FGGY: variants seen among roughly 807,000 people sequenced by gnomAD.
FGGY encodes the protein FGGY carbohydrate kinase domain containing, also known as FGGY carbohydrate kinase domain-containing protein.
FGGY carries 72 observed loss-of-function variants against 71.3 expected under a neutral mutation model. That is an observed-to-expected ratio of 1.01 (90% CI 0.84 to 1.23). The LOEUF is 1.23. FGGY is among the 50% of genes most tolerant of loss of function. The probability of loss-of-function intolerance (pLI) is 0.00; values close to 1 mark genes in which losing one functional copy is unlikely to be tolerated. For missense variants in FGGY, 668 were observed against 682.3 expected (o/e 0.98, Z 0.23); for synonymous variants, 251 against 250.3 (o/e 1.00, Z -0.02).
At chr1:59,331,388 A>G (rs1475949630) in intron 2 of FGGY, among the ~76,000 whole-genome samples, 1 of 152,166 alleles carries the variant, frequency 6.6e-6, no homozygotes, top group Non-Finnish European at 1.5e-5. Flanking sequence ...ACTGCCTTCA[A>G]GGGCCTTCCA....
chr1:59,738,191 C>A (rs188283966), intron 14 of FGGY, among the ~76,000 whole-genome samples: 5 of 152,160 alleles, frequency 3.3e-5, no homozygotes, highest in Admixed American at 6.5e-5. Flanking sequence ...CACAGAAACT[C>A]CCAGCTGCAA....
intron 5 of FGGY, among the ~76,000 whole-genome samples, chr1:59,421,500 C>CCCCTCTCTCCCTCTCT (rs1352771681): frequency 8.3e-6 from 1 of 120,642 alleles, no homozygotes; most frequent in Non-Finnish European, 1.8e-5. Flanking sequence ...TCTCCCTCTC[C>CCCCTCTCTCCCTCTCT]CCCTCTCTCC....
At chr1:59,433,913 C>T (rs2067894205) in intron 5 of FGGY, among the ~76,000 whole-genome samples, 1 of 152,184 alleles carries the variant, frequency 6.6e-6, no homozygotes, top group Non-Finnish European at 1.5e-5. Context: ...TTAACCCTTC[C>T]CTGCTTTGCA....
In FGGY at chr1:59,430,435, T is replaced by C. The variant is rs61789984; in HGVS notation, c.555-26526T>C. Reference sequence around the variant, plus strand: ...TGCAGGGAGACATTTCATATTACACTGGAAGACATGAATGTCTTTTGCAGG... The same window carrying C: ...TGCAGGGAGACATTTCATATTACACCGGAAGACATGAATGTCTTTTGCAGG... On this transcript the variant is annotated intron_variant, in intron 5 of 15. Transcript: ENST00000303721. 8.7e-3 allele frequency among the ~76,000 whole-genome samples: 1,318 copies of C among 152,280 alleles called. 11 individuals carry two copies. The highest frequency in any genetic ancestry group is 0.015 in the Admixed American group (232 of 15,294).
At chr1:59,729,588 TC>T (rs971795035) in intron 14 of FGGY, among the ~76,000 whole-genome samples, 5 of 152,186 alleles carry the variant, frequency 3.3e-5, no homozygotes, top group Non-Finnish European at 7.4e-5. Flanking sequence ...TATTTTTTCA[TC>T]CCCACTATTG....
intron 5 of FGGY, among the ~76,000 whole-genome samples, chr1:59,427,338 A>G (rs1296699394): frequency 6.6e-6 from 1 of 152,178 alleles, no homozygotes; most frequent in Non-Finnish European, 1.5e-5. Flanking sequence ...TGCCTGACAG[A>G]AACAGATGGC....
chr1:59,711,831 G>A (rs982667104), intron 14 of FGGY, among the ~76,000 whole-genome samples: 5 of 152,066 alleles, frequency 3.3e-5, no homozygotes, highest in African/African-American at 1.2e-4. Context: ...CACAGCATGG[G>A]GGAATTCAAG....
chr1:59,458,769 T>C lies in FGGY; in HGVS notation c.670+1693T>C, dbSNP rs144576209. Among the ~76,000 whole-genome samples, 725 of 152,328 alleles carry C rather than the reference T, an allele frequency of 4.8e-3. 3 individuals are homozygous for C. The highest frequency in any genetic ancestry group is 0.017 in the African/African-American group (691 of 41,572). On this transcript the variant is annotated intron_variant, in intron 6 of 15. Coordinates refer to ENST00000303721, the MANE Select transcript of FGGY (RefSeq NM_018291.5). ...ATTAGAACTTACCCATTTATCAAAA[T>C]TAATTGTGTGATGTTTCCTTTGATT...
chr1:59,735,076 G>A (rs2098088399), intron 14 of FGGY, among the ~76,000 whole-genome samples: 2 of 152,094 alleles, frequency 1.3e-5, no homozygotes, highest in South Asian at 2.1e-4. Flanking sequence ...ACTCTCCAAG[G>A]CACAAAGACC....
intron 3 of FGGY, among the ~76,000 whole-genome samples, chr1:59,345,607 CATCTTCATCTGTAACTGT>C (rs983482863): frequency 3.9e-5 from 6 of 152,098 alleles, no homozygotes; most frequent in Non-Finnish European, 8.8e-5. Flanking sequence ...CTGAATTATA[CATCTTCATCTGTAACTGT>C]ATCTTCATCT....
chr1:59,752,947 T>C (rs554536746), intron 14 of FGGY, among the ~76,000 whole-genome samples: 5 of 152,210 alleles, frequency 3.3e-5, no homozygotes, highest in East Asian at 1.9e-4. Flanking sequence ...CTCTGCCTTA[T>C]AGAGAGAAAG....
intron 4 of FGGY, among the ~76,000 whole-genome samples, chr1:59,363,135 A>G (rs1239677609): frequency 6.6e-6 from 1 of 152,224 alleles, no homozygotes; most frequent in Admixed American, 6.5e-5. Flanking sequence ...GGGCACATGA[A>G]CATGTATAAT....
chr1:59,324,519 G>A lies in FGGY; in HGVS notation c.201+2769G>A, dbSNP rs370130878. 4.1e-3 allele frequency among the ~76,000 whole-genome samples: 619 copies of A among 151,660 alleles called. 1 individual carries two copies. The highest frequency in any genetic ancestry group is 6.5e-3 in the Non-Finnish European group (441 of 67,846). ...TCTCGATCTCCTGACCTCGTGATCC[G>A]CCCGCCTCGGCCTCCCAAAGTGCTG... On this transcript the variant is annotated intron_variant, in intron 2 of 15. Transcript: ENST00000303721.
At chr1:59,536,989 C>A (rs2095333929) in intron 7 of FGGY, among the ~76,000 whole-genome samples, 1 of 152,008 alleles carries the variant, frequency 6.6e-6, no homozygotes, top group African/African-American at 2.4e-5. Context: ...GTTGGAAGTT[C>A]TGGCCAGGGC....
intron 9 of FGGY, among the ~76,000 whole-genome samples, chr1:59,612,345 C>T (rs897156104): frequency 2.0e-5 from 3 of 152,218 alleles, no homozygotes; most frequent in African/African-American, 7.2e-5. Flanking sequence ...CAATATTCAA[C>T]ATTCTTAAAG....
At chr1:59,389,428 C>G (rs745361964) in intron 5 of FGGY, among the ~76,000 whole-genome samples, 1 of 152,110 alleles carries the variant, frequency 6.6e-6, no homozygotes, top group Non-Finnish European at 1.5e-5. Flanking sequence ...ATAATCACAT[C>G]CTATTGTGTG....
At chr1:59,461,712 G>A (rs910325997) in intron 6 of FGGY, among the ~76,000 whole-genome samples, 3 of 152,046 alleles carry the variant, frequency 2.0e-5, no homozygotes, top group Admixed American at 6.6e-5. Flanking sequence ...GACTCACCAC[G>A]GATCTCTCAG....
chr1:59,324,168 A>G (rs1353302391), intron 2 of FGGY, among the ~76,000 whole-genome samples: 2 of 150,644 alleles, frequency 1.3e-5, no homozygotes, highest in Non-Finnish European at 3.0e-5. Flanking sequence ...GGTGTCAATG[A>G]TGATGACAAA....
chr1:59,510,879 C>T (rs994076730), intron 6 of FGGY, among the ~76,000 whole-genome samples: 3 of 152,102 alleles, frequency 2.0e-5, no homozygotes, highest in African/African-American at 4.8e-5. Context: ...AAAGTAGATT[C>T]GCATACCCAA....
Sources: gnomAD v4.1 joint callset for allele counts (sites outside exome capture counted in the v4.1 genomes callset) on GRCh38, gnomAD v4.1.1 for gene constraint, MANE v1.5 for transcripts, NCBI Gene and HGNC (gene_info 2026-07-23, HGNC 2026-07-21) for gene names.